The following CABLES1 variants were observed in gnomAD, a reference collection of about 807,000 sequenced individuals.
CABLES1 encodes Cdk5 and Abl enzyme substrate 1, also known as CDK5 and ABL1 enzyme substrate 1.
CABLES1 carries 36 observed loss-of-function variants against 57.8 expected under a neutral mutation model. The ratio of observed to expected loss-of-function variants is 0.62; its 90% CI spans 0.48 to 0.82. The LOEUF (loss-of-function observed/expected upper bound fraction) is 0.82, where lower values mean the gene tolerates loss of function less well. Among genes scored for constraint, CABLES1 ranks in the 40% least tolerant of loss-of-function variants. The pLI is 0.00. For synonymous variants in CABLES1, 374 were observed against 363.0 expected, an observed-to-expected ratio of 1.03 and a Z score of -0.35; for missense variants, 767 against 836.6, an observed-to-expected ratio of 0.92 and a Z score of 1.03.
intron 1 of CABLES1, among the ~76,000 whole-genome samples, chr18:23,183,998 T>A (rs1252442603): frequency 6.6e-6 from 1 of 152,102 alleles, no homozygotes; most frequent in African/African-American, 2.4e-5. Context: ...AGATGAGCGC[T>A]GCTGAGTGAC....
intron 1 of CABLES1, among the ~76,000 whole-genome samples, chr18:23,161,667 T>A (rs2047005302): frequency 6.7e-6 from 1 of 150,286 alleles, no homozygotes; most frequent in Non-Finnish European, 1.5e-5. Flanking sequence ...TCCCAGCACT[T>A]TGGGAGGCCG....
At chr18:23,139,485 C>T (rs1438666220) in intron 1 of CABLES1, among the ~76,000 whole-genome samples, 1 of 151,452 alleles carries the variant, frequency 6.6e-6, no homozygotes, top group Non-Finnish European at 1.5e-5. Context: ...TTCATTGGAA[C>T]ACTTGTAAAA....
chr18:23,183,077 A>C (rs1230669420), intron 1 of CABLES1, among the ~76,000 whole-genome samples: 6 of 152,248 alleles, frequency 3.9e-5, no homozygotes, highest in Non-Finnish European at 1.5e-5. Context: ...CGGGATGGTC[A>C]GGCCTCTGGG....
At chr18:23,218,396 GTT>G (rs2047459258) in intron 4 of CABLES1, among the ~76,000 whole-genome samples, 1 of 60,008 alleles carries the variant, frequency 1.7e-5, no homozygotes, top group African/African-American at 8.2e-5. Flanking sequence ...ACTTGCCCTG[GTT>G]CCCGCATCCT....
At chr18:23,156,439 C>T (rs755609628) in intron 1 of CABLES1, among the ~76,000 whole-genome samples, 2 of 152,224 alleles carry the variant, frequency 1.3e-5, no homozygotes, top group African/African-American at 2.4e-5. Context: ...GGACCCTGGA[C>T]GTCAGTGCCT....
At chr18:23,253,175 TCATTGTCA>T (rs1346943636) in intron 8 of CABLES1, 109 bp downstream of exon 8, 64 of 672,550 alleles carry the variant, frequency 9.5e-5, no homozygotes, top group Admixed American at 2.0e-4. Flanking sequence ...AGTGATTGAG[TCATTGTCA>T]CATTCAGCAG....
intron 7 of CABLES1, among the ~76,000 whole-genome samples, chr18:23,239,165 C>G (rs1598851498): frequency 6.6e-6 from 1 of 152,220 alleles, no homozygotes; most frequent in Admixed American, 6.5e-5. Flanking sequence ...CACGTATACA[C>G]ATACAACTTT....
chr18:23,154,677 A>G (rs1260682333), intron 1 of CABLES1, among the ~76,000 whole-genome samples: 1 of 152,174 alleles, frequency 6.6e-6, no homozygotes, highest in Non-Finnish European at 1.5e-5. Flanking sequence ...CATGTCAGCA[A>G]GGGATTTGAA....
chr18:23,199,361 T>G (rs1250931039), intron 3 of CABLES1, among the ~76,000 whole-genome samples: 2 of 152,042 alleles, frequency 1.3e-5, no homozygotes, highest in Non-Finnish European at 2.9e-5. Context: ...GCTAGTTGTA[T>G]ACCCAGAAGA....
Position 23,136,199 on chromosome 18 carries a change from T to C in CABLES1, c.437T>C (p.Leu146Pro). 8.0e-7 allele frequency: 1 copy of C among 1,251,026 alleles called. No individual in the cohort carries two copies. Among genetic ancestry groups the C allele is most frequent in the Non-Finnish European group, 1.0e-6 (1 of 1,000,800 alleles). 77.5% of individuals were successfully genotyped at this position (1,251,026 alleles called of 1,614,324 possible). Reference protein sequence around the residue: ...SGPCLPQPSSLPPLIPGGHAT... With the variant: ...SGPCLPQPSSPPPLIPGGHAT... Reference sequence around the variant, plus strand: ...CCCTGCCTCCCACAGCCCTCGTCGCTGCCGCCCTTGATTCCTGGCGGCCAT... The same window carrying C: ...CCCTGCCTCCCACAGCCCTCGTCGCCGCCGCCCTTGATTCCTGGCGGCCAT... Residue 146 changes from leucine to proline, a missense_variant, in exon 1 of 10, where the codon CTG becomes CCG. Leu to Pro is a moderately conservative substitution (Grantham distance 98, BLOSUM62 -3). Around this residue, in one of 4 missense-constraint regions of CABLES1, gnomAD observed 529 missense variants for 622.8 expected, o/e 0.85. Coordinates refer to ENST00000256925, the MANE Select transcript of CABLES1 (RefSeq NM_001100619.3).
intron 3 of CABLES1, among the ~76,000 whole-genome samples, chr18:23,195,862 C>T (rs767719489): frequency 6.6e-6 from 1 of 152,176 alleles, no homozygotes; most frequent in Non-Finnish European, 1.5e-5. Flanking sequence ...AGAGCTTACT[C>T]ATGCCATTTT....
At chr18:23,231,836 C>T (rs1467115701) in intron 4 of CABLES1, among the ~76,000 whole-genome samples, 1 of 151,868 alleles carries the variant, frequency 6.6e-6, no homozygotes, top group Admixed American at 6.6e-5. Context: ...GTGGAAGAGG[C>T]GCGACTGGTT....
intron 1 of CABLES1, among the ~76,000 whole-genome samples, chr18:23,138,700 A>G (rs575476257): frequency 3.3e-5 from 5 of 152,326 alleles, no homozygotes; most frequent in Admixed American, 2.0e-4. Context: ...ATAAGGCCCG[A>G]GGCCAGCTTT....
intron 3 of CABLES1, chr18:23,196,741 C>T (rs2047286026): frequency 6.6e-6 from 1 of 152,290 alleles, no homozygotes; most frequent in African/African-American, 2.4e-5. Context: ...CCCCCCACCT[C>T]AGAAATGGGA....
chr18:23,231,478 A>G (rs768361555), intron 4 of CABLES1, among the ~76,000 whole-genome samples: 14 of 152,306 alleles, frequency 9.2e-5, no homozygotes, highest in Middle Eastern at 3.4e-3. Flanking sequence ...TGGCCCCACT[A>G]TTCTTGCTTA....
rs550073148 is a variant in CABLES1 at position 23,184,699 on chromosome 18, T to C, written c.846-4139T>C. On this transcript the variant is annotated intron_variant, in intron 1 of 9. Coordinates refer to ENST00000256925, the MANE Select transcript of CABLES1 (RefSeq NM_001100619.3). ...TCCTGGGTGACAGAGCGAGACTCTG[T>C]CTCAGAAAAAAATAAATAAATAAAA... 2.6e-4 allele frequency among the ~76,000 whole-genome samples: 39 copies of C among 152,178 alleles called. 1 individual carries two copies. In the South Asian group the frequency reaches 5.2e-3, roughly 20 times the overall value.
At chr18:23,164,108 C>G (rs1353353694) in intron 1 of CABLES1, among the ~76,000 whole-genome samples, 1 of 152,134 alleles carries the variant, frequency 6.6e-6, no homozygotes, top group Non-Finnish European at 1.5e-5. Context: ...TCATCACACC[C>G]CTTTGTAAAG....
intron 7 of CABLES1, among the ~76,000 whole-genome samples, chr18:23,252,041 G>A (rs1222714867): frequency 6.7e-6 from 1 of 149,776 alleles, no homozygotes; most frequent in Admixed American, 6.7e-5. Flanking sequence ...AACCAAGATT[G>A]CACCGCTGCA....
chr18:23,146,335 G>T (rs545260717), intron 1 of CABLES1, among the ~76,000 whole-genome samples: 2 of 151,940 alleles, frequency 1.3e-5, no homozygotes, highest in East Asian at 3.9e-4. Context: ...ATGGAGTCTT[G>T]CTCTGTCGCC....
Sources: allele counts gnomAD v4.1 joint callset (sites outside exome capture counted in the v4.1 genomes callset), GRCh38; gene constraint gnomAD v4.1.1; regional missense constraint gnomAD v4.1.1; transcripts MANE v1.5; gene names NCBI Gene and HGNC (gene_info 2026-07-23, HGNC 2026-07-21).